CAMK1D: variants seen among roughly 807,000 people sequenced by gnomAD.
CAMK1D encodes calcium/calmodulin dependent protein kinase ID.
Under a neutral mutation model 47.7 loss-of-function variants are expected in CAMK1D, and 9 were observed. The ratio of observed to expected loss-of-function variants is 0.19; its 90% CI spans 0.11 to 0.33. The LOEUF is 0.33. Among genes scored for constraint, CAMK1D ranks in the 10% least tolerant of loss-of-function variants. CAMK1D has a pLI of 1.00. For synonymous variants in CAMK1D, 184 were observed against 184.9 expected, an observed-to-expected ratio of 0.99 and a Z score of 0.04; for missense variants, 291 against 488.7, an observed-to-expected ratio of 0.60 and a Z score of 3.81.
intron 1 of CAMK1D, among the ~76,000 whole-genome samples, chr10:12,531,520 A>G (rs190914537): frequency 1.3e-5 from 2 of 152,364 alleles, no homozygotes; most frequent in African/African-American, 4.8e-5. Flanking sequence ...GATGATAAAC[A>G]TAATGATTAC....
rs577238826 is a variant in CAMK1D at position 12,407,558 on chromosome 10, T to C, written c.92+57648T>C. Among the ~76,000 whole-genome samples, 6 of 152,290 alleles carry C rather than the reference T, an allele frequency of 3.9e-5. No homozygotes were observed. The East Asian group carries it at 1.2e-3, about 29-fold the overall frequency. On this transcript the variant is annotated intron_variant, in intron 1 of 10. Coordinates refer to ENST00000619168, the MANE Select transcript of CAMK1D (RefSeq NM_153498.4). ...TCCATTACTTCATGGTAGCCCCTTC[T>C]TCTGGAAGCCTCTCTGAGACCCTGA...
At chr10:12,759,284 G>T (rs536365817) in intron 3 of CAMK1D, among the ~76,000 whole-genome samples, 6 of 152,316 alleles carry the variant, frequency 3.9e-5, no homozygotes, top group African/African-American at 1.4e-4. Flanking sequence ...AGCCCTGTAG[G>T]TCAAGGCTGC....
At chr10:12,642,450 G>T (rs1275130475) in intron 2 of CAMK1D, among the ~76,000 whole-genome samples, 1 of 152,228 alleles carries the variant, frequency 6.6e-6, no homozygotes, top group Non-Finnish European at 1.5e-5. Flanking sequence ...AGGCTGCTGA[G>T]CAGTGGATTG....
intron 1 of CAMK1D, among the ~76,000 whole-genome samples, chr10:12,419,774 T>C (rs2801479): frequency 0.68 from 103,091 of 151,936 alleles, 35,222 homozygotes; most frequent in African/African-American, 0.77. Flanking sequence ...GTTTTCTCGT[T>C]AGGTTTTCTT....
At chr10:12,395,735 T>C (rs1471596652) in intron 1 of CAMK1D, among the ~76,000 whole-genome samples, 2 of 149,880 alleles carry the variant, frequency 1.3e-5, no homozygotes, top group African/African-American at 5.0e-5. Context: ...GCCAACATGG[T>C]GAAAAATACA....
intron 1 of CAMK1D, among the ~76,000 whole-genome samples, chr10:12,352,837 C>T (rs1344167813): frequency 6.6e-6 from 1 of 150,396 alleles, no homozygotes; most frequent in Non-Finnish European, 1.5e-5. Context: ...CATGGGTTCA[C>T]GCCATTCTCC....
intron 5 of CAMK1D, among the ~76,000 whole-genome samples, chr10:12,773,856 G>A (rs567543891): frequency 2.6e-5 from 4 of 152,238 alleles, no homozygotes; most frequent in East Asian, 3.9e-4. Flanking sequence ...CTGAGATTGC[G>A]CCACTGCACT....
intron 6 of CAMK1D, among the ~76,000 whole-genome samples, chr10:12,801,664 C>A (rs927354239): frequency 2.0e-5 from 3 of 152,134 alleles, no homozygotes; most frequent in African/African-American, 7.2e-5. Flanking sequence ...TGTCTATCTT[C>A]ATATCTATAT....
intron 3 of CAMK1D, among the ~76,000 whole-genome samples, chr10:12,728,725 G>T (rs2399876): frequency 0.96 from 146,643 of 152,318 alleles, 70,830 homozygotes; most frequent in East Asian, 1. Context: ...TCACCCCGTA[G>T]TTTTCATGCC....
intron 1 of CAMK1D, among the ~76,000 whole-genome samples, chr10:12,367,552 A>G (rs1054265268): frequency 2.0e-5 from 3 of 152,138 alleles, no homozygotes; most frequent in African/African-American, 7.2e-5. Flanking sequence ...ACCGTAATGT[A>G]GAATCAGTGC....
At chr10:12,550,933 T>C (rs1363720747) in intron 1 of CAMK1D, among the ~76,000 whole-genome samples, 1 of 152,202 alleles carries the variant, frequency 6.6e-6, no homozygotes, top group African/African-American at 2.4e-5. Context: ...GGAAAGGATT[T>C]TTAAAACATG....
At chr10:12,681,817 A>G (rs1399784089) in intron 3 of CAMK1D, among the ~76,000 whole-genome samples, 1 of 152,248 alleles carries the variant, frequency 6.6e-6, no homozygotes, top group African/African-American at 2.4e-5. Flanking sequence ...CCCAAACAGT[A>G]CATTTTGAAG....
At chr10:12,767,691 C>T (rs1019234298) in intron 4 of CAMK1D, among the ~76,000 whole-genome samples, 15 of 152,108 alleles carry the variant, frequency 9.9e-5, no homozygotes, top group Non-Finnish European at 7.4e-5. Flanking sequence ...GCTTCCAGGT[C>T]TTAGGTAGAT....
chr10:12,649,057 C>A (rs1384009051), intron 2 of CAMK1D, among the ~76,000 whole-genome samples: 1 of 151,584 alleles, frequency 6.6e-6, no homozygotes, highest in Non-Finnish European at 1.5e-5. Flanking sequence ...TTTTACAGAC[C>A]GGGTTTTACT....
chr10:12,736,913 T>C (rs4750252), intron 3 of CAMK1D, among the ~76,000 whole-genome samples: 144,489 of 152,250 alleles, frequency 0.95, 68,958 homozygotes, highest in Non-Finnish European at 1. Context: ...CTCCTCTCTG[T>C]CTGTTGGTTC....
chr10:12,825,033 C>T (rs1250766799), intron 9 of CAMK1D, among the ~76,000 whole-genome samples: 1 of 115,278 alleles, frequency 8.7e-6, no homozygotes, highest in Non-Finnish European at 1.9e-5. Context: ...CAATTCAGAG[C>T]TAGCTATTTT....
At chr10:12,427,700 G>GTTTTTTTTGTTTTT (rs1840285327) in intron 1 of CAMK1D, among the ~76,000 whole-genome samples, 1 of 31,030 alleles carries the variant, frequency 3.2e-5, no homozygotes, top group African/African-American at 1.1e-4. Context: ...TGAACTTACT[G>GTTTTTTTTGTTTTT]TTTTTTTTTT....
At chr10:12,792,498 A>G (rs909304556) in intron 6 of CAMK1D, among the ~76,000 whole-genome samples, 2 of 152,190 alleles carry the variant, frequency 1.3e-5, no homozygotes, top group African/African-American at 4.8e-5. Context: ...CCCTGCACAC[A>G]ATAAAAGACT....
chr10:12,370,549 G>A (rs1401479223), intron 1 of CAMK1D, among the ~76,000 whole-genome samples: 1 of 152,132 alleles, frequency 6.6e-6, no homozygotes, highest in Non-Finnish European at 1.5e-5. Flanking sequence ...AGATGTGGAG[G>A]TGGAAGACGG....
Sources: allele counts gnomAD v4.1 joint callset (sites outside exome capture counted in the v4.1 genomes callset), GRCh38; gene constraint gnomAD v4.1.1; transcripts MANE v1.5; gene names NCBI Gene and HGNC (gene_info 2026-07-23, HGNC 2026-07-21).